Variants in SPNS3 observed in about 807,000 individuals in gnomAD.
SPNS3 encodes the protein SPNS lysolipid transporter 3, sphingosine-1-phosphate (putative).
SPNS3 carries 51 observed loss-of-function variants against 54.4 expected under a neutral mutation model. That is an observed-to-expected ratio of 0.94 (90% CI 0.75 to 1.18). The LOEUF (loss-of-function observed/expected upper bound fraction) is 1.18, where lower values mean the gene tolerates loss of function less well. SPNS3 is among the 50% of genes most tolerant of loss of function. SPNS3 has a pLI of 0.00. For synonymous variants in SPNS3, 309 were observed against 294.7 expected, an observed-to-expected ratio of 1.05 and a Z score of -0.50; for missense variants, 669 against 677.4, an observed-to-expected ratio of 0.99 and a Z score of 0.14.
chr17:4,437,330 G>A (rs551181466), intron 1 of SPNS3, among the ~76,000 whole-genome samples: 10 of 152,054 alleles, frequency 6.6e-5, no homozygotes, highest in Non-Finnish European at 8.8e-5. Flanking sequence ...GAGCATTTTC[G>A]TTTAGCTATT....
rs60134022 is a variant in SPNS3, at chr17:4,460,607, AT to A, written c.1113+7418del. Among the ~76,000 whole-genome samples, 1,123 of 121,498 alleles carry A rather than the reference AT, an allele frequency of 9.2e-3. 2 individuals carry two copies. The highest frequency in any genetic ancestry group is 0.019 in the African/African-American group (604 of 32,508). 79.7% of individuals were successfully genotyped at this position (121,498 alleles called of 152,430 possible). The stretch of plus-strand genomic sequence containing the variant: ...CTACCACGCCTGGCTAATTTTTTGT[AT>A]TTTTTTTTTTTTTTTAGTAGAGACG... On this transcript the variant is annotated intron_variant, in intron 8 of 11. Coordinates refer to ENST00000355530, the MANE Select transcript of SPNS3 (RefSeq NM_182538.5).
At chr17:4,446,238 A>G in intron 4 of SPNS3, 39 bp downstream of exon 4, 2 of 1,577,614 alleles carry the variant, frequency 1.3e-6, no homozygotes, top group South Asian at 2.3e-5. Context: ...CAGGTGGTAA[A>G]CTGAGGCCCA....
chr17:4,439,510 G>A lies in SPNS3; in HGVS notation c.200-148G>A, dbSNP rs571298958. The A allele has an allele frequency of 3.1e-4, 200 of 639,764 alleles. No homozygotes were observed. In the African/African-American group the frequency reaches 3.3e-3, roughly 11 times the overall value. The allele number at this position is 639,764 out of a possible 1,614,324, so 39.6% of individuals were successfully genotyped here. A position where few individuals can be genotyped will look rare whatever the true frequency, so the allele number is the denominator to read the frequency against. On this transcript the variant is annotated intron_variant, in intron 1 of 11. Transcript: ENST00000355530. ...TGTGTGTGTGGTTGTACAGCTGTAT[G>A]GGAGAGAGGGGGAGAGAACAGTGGG...
chr17:4,447,400 G>A (rs1971027887), intron 5 of SPNS3, among the ~76,000 whole-genome samples: 2 of 152,222 alleles, frequency 1.3e-5, no homozygotes, highest in Non-Finnish European at 2.9e-5. Context: ...TGCCGGGCAG[G>A]CCCCGCTGGG....
chr17:4,440,860 G>A (rs934566761), intron 2 of SPNS3, among the ~76,000 whole-genome samples: 2 of 152,144 alleles, frequency 1.3e-5, no homozygotes, highest in Admixed American at 1.3e-4. Flanking sequence ...AGCTGTTCCC[G>A]TGTGCAGTGT....
intron 8 of SPNS3, among the ~76,000 whole-genome samples, chr17:4,466,558 AT>A (rs1275497735): frequency 3.8e-4 from 43 of 114,072 alleles, no homozygotes; most frequent in African/African-American, 1.4e-3. Context: ...AAAAAAAAAA[AT>A]GGCCAGGCAC....
Position 4,448,283 on chromosome 17 carries a change from C to G in SPNS3, c.750C>G (p.Asp250Glu). ...GCTTCAGGAGCAGCTGGTGTGAGGACGTCAGATACCTGGGGAAAAAGTGAG... is the reference window on the plus strand; with the variant it reads ...GCTTCAGGAGCAGCTGGTGTGAGGAGGTCAGATACCTGGGGAAAAAGTGAG... ...VGGFRSSWCE[D>E]VRYLGKNWSF... The change falls in exon 6 of 12, where the codon GAC (aspartate) becomes GAG (glutamate). Residue 250 changes from aspartate to glutamate, a missense_variant. Coordinates refer to ENST00000355530, the MANE Select transcript of SPNS3 (RefSeq NM_182538.5). 6.4e-7 allele frequency: 1 copy of G among 1,571,286 alleles called. No individual in the cohort carries two copies. The highest frequency in any genetic ancestry group is 8.6e-7 in the Non-Finnish European group (1 of 1,160,174).
At chr17:4,444,930 A>G in intron 2 of SPNS3, 102 bp from the exon 3 acceptor site, 1 of 1,404,340 alleles carries the variant, frequency 7.1e-7, no homozygotes. Flanking sequence ...CCAAGATGCC[A>G]GCTTGTGGCA....
At chr17:4,475,845 G>A (rs572062760) in intron 8 of SPNS3, among the ~76,000 whole-genome samples, 1 of 152,186 alleles carries the variant, frequency 6.6e-6, no homozygotes, top group Non-Finnish European at 1.5e-5. Context: ...TGGAGCCCGG[G>A]TTTGAACTGC....
intron 8 of SPNS3, among the ~76,000 whole-genome samples, chr17:4,474,916 C>A (rs568308235): frequency 6.6e-6 from 1 of 152,214 alleles, no homozygotes; most frequent in Non-Finnish European, 1.5e-5. Flanking sequence ...CGTGTGAGTT[C>A]TTCGTGTGTG....
chr17:4,446,026 G>A lies in SPNS3; in HGVS notation c.403-22G>A, dbSNP rs746956166. 3.8e-6 allele frequency: 6 copies of A among 1,585,636 alleles called. No homozygotes were observed. In the South Asian group the frequency reaches 6.8e-5, roughly 18 times the overall value. On this transcript the variant is annotated intron_variant, in intron 3 of 11. Coordinates refer to ENST00000355530, the MANE Select transcript of SPNS3 (RefSeq NM_182538.5). ...ATGGGTGATTTCTGGAACTCACCGT[G>A]GTCTTGTGCCTGCTCGCCCAGTATT...
intron 8 of SPNS3, among the ~76,000 whole-genome samples, chr17:4,458,098 A>G (rs1260136892): frequency 6.6e-6 from 1 of 150,746 alleles, no homozygotes; most frequent in African/African-American, 2.4e-5. Flanking sequence ...CCTTCCCAAC[A>G]ACTGTCAGTC....
chr17:4,454,478 A>G (rs12601416), intron 8 of SPNS3, among the ~76,000 whole-genome samples: 86,589 of 152,050 alleles, frequency 0.57, 25,256 homozygotes, highest in South Asian at 0.7. Context: ...CCACAACTTT[A>G]TTGTCCTCAC....
chr17:4,446,574 C>G, intron 4 of SPNS3: 1 of 528,338 alleles, frequency 1.9e-6, no homozygotes, highest in Non-Finnish European at 3.4e-6. Flanking sequence ...CAATCAGGAC[C>G]CTGGCCTCTG....
At chr17:4,439,985 G>A (rs914531467) in intron 2 of SPNS3, among the ~76,000 whole-genome samples, 1 of 152,274 alleles carries the variant, frequency 6.6e-6, no homozygotes, top group Non-Finnish European at 1.5e-5. Flanking sequence ...TCAGGTCCTC[G>A]CTGTGGAGCT....
At position 4,449,395 on chromosome 17, in the gene SPNS3, C is replaced by T. The variant is rs754948701; in HGVS notation, c.923+8C>T. 1.9e-6 allele frequency: 3 copies of T among 1,573,958 alleles called. No individual in the cohort carries two copies. In the Admixed American group the frequency reaches 5.8e-5, roughly 31 times the overall value. On this transcript the variant is annotated splice_region_variant and intron_variant, in intron 7 of 11. Coordinates refer to ENST00000355530, the MANE Select transcript of SPNS3 (RefSeq NM_182538.5). ...GTGCAGCAACCCCGACAGGTGAGGGCATCCGGGGGCCCTGGGCACCTGGCC... is the reference window on the plus strand; with the variant it reads ...GTGCAGCAACCCCGACAGGTGAGGGTATCCGGGGGCCCTGGGCACCTGGCC...
In SPNS3 at chr17:4,434,131, A is replaced by C. The variant is rs777061776; in HGVS notation, c.164A>C (p.Asn55Thr). 2.3e-5 allele frequency: 37 copies of C among 1,611,514 alleles called. No individual in the cohort carries two copies. The South Asian group carries it at 3.9e-4, about 17-fold the overall frequency. The change falls in exon 1 of 12, where the codon AAC becomes ACC. Residue 55 changes from asparagine to threonine, a missense_variant. Asn to Thr is a moderately conservative substitution (Grantham distance 65). Coordinates refer to ENST00000355530, the MANE Select transcript of SPNS3 (RefSeq NM_182538.5). ...YVAAAVLCYI[N>T]LLNYMNWFII... ...GCTGCCGCCGTCCTCTGCTACATCAACCTCCTGAATTACATGAACTGGTTC... is the reference window on the plus strand; with the variant it reads ...GCTGCCGCCGTCCTCTGCTACATCACCCTCCTGAATTACATGAACTGGTTC...
chr17:4,461,589 T>C (rs1187764851), intron 8 of SPNS3, among the ~76,000 whole-genome samples: 1 of 151,986 alleles, frequency 6.6e-6, no homozygotes, highest in Non-Finnish European at 1.5e-5. Context: ...GAGGCTGTTG[T>C]TAGAATGCAG....
At chr17:4,439,511 GGA>G (rs989296013) in intron 1 of SPNS3, 145 bp from the exon 2 acceptor site, 10 of 643,594 alleles carry the variant, frequency 1.6e-5, no homozygotes, top group African/African-American at 1.4e-4. Flanking sequence ...CAGCTGTATG[GGA>G]GAGAGGGGGA....
Sources: gnomAD v4.1 joint callset for allele counts (sites outside exome capture counted in the v4.1 genomes callset) on GRCh38, gnomAD v4.1.1 for gene constraint, MANE v1.5 for transcripts, NCBI Gene and HGNC (gene_info 2026-07-23, HGNC 2026-07-21) for gene names.